The following DLGAP2 variants were observed in gnomAD, a reference collection of about 807,000 sequenced individuals.
The protein encoded by DLGAP2 is DLG associated protein 2.
DLGAP2 carries 26 observed loss-of-function variants against 100.3 expected under a neutral mutation model. The ratio of observed to expected loss-of-function variants is 0.26; its 90% CI spans 0.19 to 0.36. The LOEUF (loss-of-function observed/expected upper bound fraction) is 0.36. Ranked by LOEUF, DLGAP2 falls within the 10% of genes least tolerant of loss-of-function variation. DLGAP2 has a pLI of 1.00. For missense variants in DLGAP2, 1,858 were observed against 1,453.2 expected (o/e 1.28, Z -4.53); for synonymous variants, 886 against 630.1 (o/e 1.41, Z -6.08).
At chr8:858,958 G>A (rs1472185915) in intron 1 of DLGAP2, among the ~76,000 whole-genome samples, 1 of 152,106 alleles carries the variant, frequency 6.6e-6, no homozygotes, top group Non-Finnish European at 1.5e-5. Flanking sequence ...GGGGAAACTG[G>A]GGTGGGGAGG....
At chr8:1,441,963 C>T (rs537025853) in intron 3 of DLGAP2, among the ~76,000 whole-genome samples, 4 of 152,210 alleles carry the variant, frequency 2.6e-5, no homozygotes, top group Admixed American at 1.3e-4. Flanking sequence ...TTTGCAGGGA[C>T]AGGGATGGAG....
intron 3 of DLGAP2, 46 bp from the exon 4 acceptor site, chr8:1,501,320 T>C: frequency 1.3e-6 from 2 of 1,531,448 alleles, no homozygotes; most frequent in Non-Finnish European, 1.8e-6. Context: ...GACTGCAGTC[T>C]ACACCAGAAA....
At chr8:1,081,804 G>C (rs1384164361) in intron 2 of DLGAP2, among the ~76,000 whole-genome samples, 2 of 152,112 alleles carry the variant, frequency 1.3e-5, no homozygotes, top group Non-Finnish European at 2.9e-5. Flanking sequence ...CACATGTTCT[G>C]AACTTAATTT....
intron 8 of DLGAP2, among the ~76,000 whole-genome samples, chr8:1,638,508 G>A (rs1423920139): frequency 1.3e-5 from 2 of 152,144 alleles, no homozygotes; most frequent in Non-Finnish European, 2.9e-5. Context: ...GGGGGCCAGA[G>A]TCATGTTATA....
At chr8:1,362,619 A>G (rs965266460) in intron 3 of DLGAP2, among the ~76,000 whole-genome samples, 2 of 152,110 alleles carry the variant, frequency 1.3e-5, no homozygotes, top group African/African-American at 4.8e-5. Context: ...CTCTCCCCTT[A>G]ACACCAGCAC....
At chr8:854,279 C>A (rs897554572) in intron 1 of DLGAP2, among the ~76,000 whole-genome samples, 6 of 152,256 alleles carry the variant, frequency 3.9e-5, no homozygotes, top group African/African-American at 1.4e-4. Flanking sequence ...GACCTTAGAG[C>A]AAGGCCCAGC....
intron 2 of DLGAP2, among the ~76,000 whole-genome samples, chr8:1,001,452 A>C (rs1485374180): frequency 6.6e-6 from 1 of 152,210 alleles, no homozygotes; most frequent in Non-Finnish European, 1.5e-5. Context: ...TTTCATCTAG[A>C]AAATGTTTTT....
intron 2 of DLGAP2, among the ~76,000 whole-genome samples, chr8:1,020,689 C>G (rs1368292019): frequency 6.6e-6 from 1 of 152,214 alleles, no homozygotes; most frequent in Non-Finnish European, 1.5e-5. Flanking sequence ...GGGGAACCAA[C>G]ACCCACTCAG....
intron 2 of DLGAP2, among the ~76,000 whole-genome samples, chr8:1,118,700 T>C (rs145647136): frequency 1.2e-3 from 184 of 152,282 alleles, no homozygotes; most frequent in African/African-American, 4.3e-3. Context: ...CACTCTGCTA[T>C]GAGGACCGAA....
At chr8:1,143,771 C>A (rs535944115) in intron 2 of DLGAP2, among the ~76,000 whole-genome samples, 1 of 152,240 alleles carries the variant, frequency 6.6e-6, no homozygotes, top group Non-Finnish European at 1.5e-5. Context: ...CCAACAGTCA[C>A]CAGCACCTCT....
At chr8:1,288,190 A>T (rs1412825252) in intron 3 of DLGAP2, among the ~76,000 whole-genome samples, 4 of 93,652 alleles carry the variant, frequency 4.3e-5, no homozygotes, top group Non-Finnish European at 8.0e-5. Flanking sequence ...GTTTCGGTTG[A>T]GTGTGTGTGT....
chr8:833,677 G>A (rs953322300), intron 1 of DLGAP2, among the ~76,000 whole-genome samples: 1 of 152,210 alleles, frequency 6.6e-6, no homozygotes, highest in Non-Finnish European at 1.5e-5. Context: ...GAGGTCACCA[G>A]TTCTCAGCTT....
intron 3 of DLGAP2, among the ~76,000 whole-genome samples, chr8:1,481,471 C>CTTTTTTTTTTTTTTTTTTTTT (rs1165790168): frequency 2.7e-4 from 12 of 43,700 alleles, no homozygotes; most frequent in Non-Finnish European, 4.1e-4. Flanking sequence ...TTTTCTTTTT[C>CTTTTTTTTTTTTTTTTTTTTT]TTTTTTTTTT....
chr8:1,256,961 C>T (rs74831710), intron 2 of DLGAP2, among the ~76,000 whole-genome samples: 6,088 of 152,100 alleles, frequency 0.04, 360 homozygotes, highest in African/African-American at 0.13. Context: ...TCCTTTCACA[C>T]AGAGCAGTGT....
chr8:1,158,846 T>G (rs1440213093), intron 2 of DLGAP2, among the ~76,000 whole-genome samples: 1 of 152,148 alleles, frequency 6.6e-6, no homozygotes, highest in Non-Finnish European at 1.5e-5. Flanking sequence ...GGGGACCCCG[T>G]TAGTGGGATT....
At chr8:1,019,039 G>A (rs1801553713) in intron 2 of DLGAP2, 1 of 152,194 alleles carries the variant, frequency 6.6e-6, no homozygotes, top group South Asian at 2.1e-4. Context: ...CGACTGAGAA[G>A]GTCAGTCCCA....
chr8:1,624,230 A>T (rs767624838), intron 6 of DLGAP2, among the ~76,000 whole-genome samples: 63 of 152,302 alleles, frequency 4.1e-4, no homozygotes, highest in Non-Finnish European at 6.9e-4. Context: ...GGTAATTGGT[A>T]GAAAGTGCCG....
chr8:800,562 C>T (rs2132653726), intron 1 of DLGAP2, among the ~76,000 whole-genome samples: 2 of 152,280 alleles, frequency 1.3e-5, no homozygotes, highest in South Asian at 4.1e-4. Context: ...TGATGAGATG[C>T]CTGCATTGAC....
At chr8:1,575,416 G>A (rs1469668071) in intron 6 of DLGAP2, among the ~76,000 whole-genome samples, 1 of 150,538 alleles carries the variant, frequency 6.6e-6, no homozygotes, top group Non-Finnish European at 1.5e-5. Flanking sequence ...GAGAGTTGAG[G>A]GTCAAAAGAA....
Sources: allele counts gnomAD v4.1 joint callset (sites outside exome capture counted in the v4.1 genomes callset), GRCh38; gene constraint gnomAD v4.1.1; transcripts MANE v1.5; gene names NCBI Gene and HGNC (gene_info 2026-07-23, HGNC 2026-07-21).